The following PCDHGB2 variants were observed in gnomAD, a reference collection of about 807,000 sequenced individuals.
PCDHGB2 encodes protocadherin gamma-B2.
In PCDHGB2, 55 loss-of-function variants were observed where a neutral mutation model predicts 59.3. The ratio of observed to expected loss-of-function variants is 0.93; its 90% CI spans 0.75 to 1.16. The LOEUF (loss-of-function observed/expected upper bound fraction) is 1.16, where lower values mean the gene tolerates loss of function less well. Ranked by LOEUF, PCDHGB2 falls within the 50% of genes most tolerant of loss-of-function variation. The pLI, the probability that PCDHGB2 is intolerant of heterozygous loss-of-function variation, is 0.00. For missense variants in PCDHGB2, 1,228 were observed against 1,198.5 expected (o/e 1.02, Z -0.36); for synonymous variants, 516 against 512.0 (o/e 1.01, Z -0.11).
chr5:141,395,400 G>C, intron 1 of PCDHGB2: 1 of 859,976 alleles, frequency 1.2e-6, no homozygotes, highest in Non-Finnish European at 1.7e-6. Context: ...AACTCTAATA[G>C]TCATAGGTTA....
rs377438861 is a variant in PCDHGB2, at chr5:141,364,705, T to G, written c.2421+2149T>G. The G allele has an allele frequency of 8.1e-6, 13 of 1,613,854 alleles. No individual in the cohort carries two copies. The highest frequency in any genetic ancestry group is 6.8e-6 in the Non-Finnish European group (8 of 1,179,894). Reference sequence around the variant, plus strand: ...ATGGAGTAGAAGTAGAAATAATCGATATTAATGATAACTTCCCGCGTTTCC... The same window carrying G: ...ATGGAGTAGAAGTAGAAATAATCGAGATTAATGATAACTTCCCGCGTTTCC... On this transcript the variant is annotated intron_variant, in intron 1 of 3. Transcript: ENST00000522605.
At position 141,361,191 on chromosome 5, in the gene PCDHGB2, A is replaced by G. The variant is rs758042859; in HGVS notation, c.1056A>G (p.Val352=). Reference sequence around the variant, plus strand: ...CACCTGAAGTTATTGTGACTTCAGTATCTACTCCCCTACCGGAGGATTCGC... The same window carrying G: ...CACCTGAAGTTATTGTGACTTCAGTGTCTACTCCCCTACCGGAGGATTCGC... ...DCAPEVIVTS[V]STPLPEDSPP... is the part of the protein sequence containing the mutation. Residue 352 remains valine (V), a synonymous_variant, in exon 1 of 4, where the codon GTA becomes GTG. Transcript: ENST00000522605. 1.3e-5 allele frequency: 21 copies of G among 1,613,874 alleles called. No homozygotes were observed. The highest frequency in any genetic ancestry group is 1.8e-5 in the Non-Finnish European group (21 of 1,179,902).
Position 141,432,503 on chromosome 5 carries a change from G to A in PCDHGB2, c.2422-62304G>A, listed in dbSNP as rs939325676. On this transcript the variant is annotated intron_variant, in intron 1 of 3. Transcript: ENST00000522605. This position sits in a 1 kb window ranked among gnomAD's most constrained non-coding sequence, Gnocchi z 6.0. ...TGGCGTGGAGCTGGCTCCCCGCTCC[G>A]CAGAGCCCGGCTACCTGGTGACCAA... 5 of 1,613,988 alleles carry A rather than the reference G, an allele frequency of 3.1e-6. No individual in the cohort carries two copies. Among genetic ancestry groups the A allele is most frequent in the Non-Finnish European group, 2.5e-6 (3 of 1,180,038 alleles).
chr5:141,364,828 T>C (rs57308563), intron 1 of PCDHGB2: 152,960 of 1,613,868 alleles, frequency 0.095, 8,950 homozygotes, highest in African/African-American at 0.29. Flanking sequence ...GTGTGAACTC[T>C]CTCCGGAGTT....
At chr5:141,478,766 T>C in intron 1 of PCDHGB2, 2 of 1,505,456 alleles carry the variant, frequency 1.3e-6, no homozygotes, top group Non-Finnish European at 1.8e-6. Flanking sequence ...GATACTTGAC[T>C]CATCTGTGGA....
intron 1 of PCDHGB2, among the ~76,000 whole-genome samples, chr5:141,407,684 G>C (rs2094967978): frequency 6.6e-6 from 1 of 152,094 alleles, no homozygotes; most frequent in South Asian, 2.1e-4. Flanking sequence ...GATTGGCTTT[G>C]TGGTGATCAT....
chr5:141,432,413 G>T lies in PCDHGB2; in HGVS notation c.2422-62394G>T, dbSNP rs369816901. On this transcript the variant is annotated intron_variant, in intron 1 of 3. Transcript: ENST00000522605. This position sits in a 1 kb window ranked among gnomAD's most constrained non-coding sequence, Gnocchi z 6.0. ...CAGCAACGTGTCGTTGAGCCTGTTCGTGCTGGACCAGAACGACAATGCGCC... is the reference window on the plus strand; with the variant it reads ...CAGCAACGTGTCGTTGAGCCTGTTCTTGCTGGACCAGAACGACAATGCGCC... The T allele has an allele frequency of 6.2e-7, 1 of 1,614,232 alleles. No homozygotes were observed.
intron 1 of PCDHGB2, chr5:141,421,199 A>C (rs991814876): frequency 2.0e-6 from 3 of 1,514,716 alleles, no homozygotes; most frequent in Non-Finnish European, 2.6e-6. Context: ...CAGCTCGAGA[A>C]ACCGCGGAAT....
At chr5:141,464,134 G>A (rs1270558696) in intron 1 of PCDHGB2, among the ~76,000 whole-genome samples, 1 of 151,944 alleles carries the variant, frequency 6.6e-6, no homozygotes, top group Admixed American at 6.6e-5. Context: ...GTGTGGTGGT[G>A]GGCGCCTGTA....
intron 1 of PCDHGB2, chr5:141,365,065 C>T (rs1300257401): frequency 6.2e-7 from 1 of 1,613,786 alleles, no homozygotes; most frequent in Non-Finnish European, 8.5e-7. Flanking sequence ...TCACCCCATC[C>T]GAGTACAGCG....
chr5:141,414,642 C>A (rs547014431), intron 1 of PCDHGB2: 1 of 1,613,962 alleles, frequency 6.2e-7, no homozygotes, highest in Admixed American at 1.7e-5. Context: ...AAGAGAATGC[C>A]CAGATTATTT....
intron 1 of PCDHGB2, chr5:141,374,044 T>C: frequency 6.8e-7 from 1 of 1,465,536 alleles, no homozygotes; most frequent in Non-Finnish European, 9.0e-7. Flanking sequence ...GATCTGTTCT[T>C]CCTCTTCTTA....
intron 1 of PCDHGB2, chr5:141,370,125 T>C (rs921513468): frequency 5.8e-5 from 23 of 394,142 alleles, no homozygotes; most frequent in Non-Finnish European, 9.4e-5. Context: ...GCTCCTTATT[T>C]GGAGCTGATT....
At chr5:141,398,367 G>C (rs1480641333) in intron 1 of PCDHGB2, 1 of 1,430,476 alleles carries the variant, frequency 7.0e-7, no homozygotes, top group Non-Finnish European at 9.7e-7. Context: ...TGAGCGCAGA[G>C]AGCGGGGAGT....
At chr5:141,426,514 G>A (rs867794856) in intron 1 of PCDHGB2, 22 of 340,738 alleles carry the variant, frequency 6.5e-5, no homozygotes, top group Non-Finnish European at 8.2e-5. Context: ...ATACTTTACC[G>A]TGAACACGGA....
chr5:141,427,998 C>T, intron 1 of PCDHGB2: 1 of 1,600,956 alleles, frequency 6.2e-7, no homozygotes, highest in Non-Finnish European at 8.6e-7. Flanking sequence ...TGGCTCCGCA[C>T]TCTTCGATAT....
chr5:141,386,000 AT>A (rs1420495491), intron 1 of PCDHGB2: 3 of 152,258 alleles, frequency 2.0e-5, no homozygotes, highest in Admixed American at 6.5e-5. Flanking sequence ...ATAAAATGTC[AT>A]TTTAAGTGTT....
At position 141,360,178 on chromosome 5, in the gene PCDHGB2, C is replaced by T. The variant is rs1291288945; in HGVS notation, c.43C>T (p.Gln15Ter). 1.2e-6 allele frequency: 2 copies of T among 1,609,980 alleles called. No individual in the cohort carries two copies. The highest frequency in any genetic ancestry group is 1.3e-5 in the African/African-American group (1 of 74,836). ...GAGGTGCGGGCTGGTGCGGTGGCTG[C>T]AGGTACTGTTGCCCTTCCTGTTGTC... Reference protein sequence around the residue: ...SGRCGLVRWLQVLLPFLLSLF... With the variant: ...SGRCGLVRWL Residue 15 changes from glutamine to a stop codon, truncating the protein, a stop_gained, in exon 1 of 4, where the codon CAG (glutamine) becomes TAG (stop). Transcript: ENST00000522605. LOFTEE classifies it high-confidence loss of function.
intron 1 of PCDHGB2, chr5:141,375,646 C>G (rs765389165): frequency 1.2e-6 from 2 of 1,614,228 alleles, no homozygotes; most frequent in Non-Finnish European, 1.7e-6. Flanking sequence ...GCTCCTTCGA[C>G]TATGAGCAGT....
Sources: gnomAD v4.1 joint callset for allele counts (sites outside exome capture counted in the v4.1 genomes callset) on GRCh38, gnomAD v4.1.1 for gene constraint, Gnocchi (gnomAD v3.1) non-coding constraint, MANE v1.5 for transcripts, NCBI Gene and HGNC (gene_info 2026-07-23, HGNC 2026-07-21) for gene names.